Variants in DMXL1 observed in about 807,000 individuals in gnomAD.
DMXL1 encodes Dmx like 1, also known as dmX-like protein 1.
In DMXL1, 99 loss-of-function variants were observed where a neutral mutation model predicts 319.2. That is an observed-to-expected ratio of 0.31 (90% CI 0.26 to 0.37). DMXL1 has a LOEUF of 0.37. DMXL1 is among the 10% of genes least tolerant of loss of function. The probability of loss-of-function intolerance (pLI) is 1.00; values close to 1 mark genes in which losing one functional copy is unlikely to be tolerated. For synonymous variants in DMXL1, 1,385 were observed against 1,235.2 expected (o/e 1.12, Z -2.54); for missense variants, 3,745 against 3,595.6 (o/e 1.04, Z -1.06).
intron 15 of DMXL1, among the ~76,000 whole-genome samples, chr5:119,145,501 A>T (rs964581127): frequency 6.6e-6 from 1 of 151,782 alleles, no homozygotes; most frequent in Admixed American, 6.6e-5. Flanking sequence ...GGGATTAAAG[A>T]TATCAGGCGT....
chr5:119,160,154 T>TG (rs1386089547), intron 19 of DMXL1, among the ~76,000 whole-genome samples: 1 of 152,030 alleles, frequency 6.6e-6, no homozygotes, highest in Non-Finnish European at 1.5e-5. Context: ...TATATATATA[T>TG]GGGGGGAGGC....
intron 21 of DMXL1, 125 bp from the exon 22 acceptor site, chr5:119,166,491 A>G: frequency 5.5e-6 from 4 of 724,916 alleles, no homozygotes; most frequent in East Asian, 2.9e-5. Flanking sequence ...AAGCAGATAC[A>G]TAGTAAGTTA....
At position 119,220,933 on chromosome 5, in the gene DMXL1, T is replaced by A; in HGVS notation, c.8136-7T>A. ...TTGTTTTTATTCTGGTTGACATTCCTTTATAGATCAGAAGATTTCTTGGTT... is the reference window on the plus strand; with the variant it reads ...TTGTTTTTATTCTGGTTGACATTCCATTATAGATCAGAAGATTTCTTGGTT... On this transcript the variant is annotated splice_polypyrimidine_tract_variant and splice_region_variant and intron_variant, in intron 36 of 43. Transcript: ENST00000539542. The A allele has an allele frequency of 6.2e-7, 1 of 1,612,254 alleles. No homozygotes were observed.
intron 9 of DMXL1, among the ~76,000 whole-genome samples, chr5:119,127,552 A>G (rs1763880351): frequency 6.6e-6 from 1 of 151,760 alleles, no homozygotes; most frequent in South Asian, 2.1e-4. Context: ...GATTCTTGTG[A>G]CTCAGCCTCC....
chr5:119,202,516 G>C (rs185392474), intron 32 of DMXL1, among the ~76,000 whole-genome samples: 1 of 152,140 alleles, frequency 6.6e-6, no homozygotes, highest in Non-Finnish European at 1.5e-5. Flanking sequence ...AGTAGAAAAT[G>C]CCACATATAA....
intron 34 of DMXL1, among the ~76,000 whole-genome samples, chr5:119,209,598 T>C (rs1782382651): frequency 6.6e-6 from 1 of 152,164 alleles, no homozygotes; most frequent in South Asian, 2.1e-4. Flanking sequence ...TCTTCCCACC[T>C]CAGCCTCCTG....
chr5:119,182,349 A>G (rs1776928961), intron 28 of DMXL1, among the ~76,000 whole-genome samples: 1 of 152,216 alleles, frequency 6.6e-6, no homozygotes, highest in Non-Finnish European at 1.5e-5. Flanking sequence ...TGAAGATGAA[A>G]TACGTGCATA....
At chr5:119,184,159 G>A (rs1257842338) in intron 28 of DMXL1, among the ~76,000 whole-genome samples, 1 of 151,642 alleles carries the variant, frequency 6.6e-6, no homozygotes. Context: ...GGGCTCAAGT[G>A]ATCCTTCCAC....
At chr5:119,200,418 G>T (rs1480113662) in intron 32 of DMXL1, among the ~76,000 whole-genome samples, 1 of 152,152 alleles carries the variant, frequency 6.6e-6, no homozygotes, top group Non-Finnish European at 1.5e-5. Context: ...TCTCTATTCT[G>T]TTCCAGTGGT....
chr5:119,089,880 C>T (rs1466669486), intron 1 of DMXL1, among the ~76,000 whole-genome samples: 2 of 151,772 alleles, frequency 1.3e-5, no homozygotes, highest in Non-Finnish European at 2.9e-5. Context: ...CCCGCCTTGG[C>T]CTCCCGAAGT....
At chr5:119,166,154 C>T (rs1200519798) in intron 21 of DMXL1, among the ~76,000 whole-genome samples, 2 of 152,102 alleles carry the variant, frequency 1.3e-5, no homozygotes, top group African/African-American at 4.8e-5. Flanking sequence ...TCCAGATGAC[C>T]CACATGAACA....
chr5:119,085,977 A>G lies in DMXL1; in HGVS notation c.88-12002A>G, dbSNP rs1753265848. ...TTGTTCTTGGTTCTGTTAAGGTGAT[A>G]TATCACGTTTATTGATTTACATATT... On this transcript the variant is annotated intron_variant, in intron 1 of 43. Transcript: ENST00000539542. Among the ~76,000 whole-genome samples, 3 of 152,184 alleles carry G rather than the reference A, an allele frequency of 2.0e-5. No individual in the cohort carries two copies. The South Asian group carries it at 6.2e-4, about 32-fold the overall frequency.
chr5:119,103,071 A>G (rs1248996716), intron 3 of DMXL1, among the ~76,000 whole-genome samples: 1 of 151,648 alleles, frequency 6.6e-6, no homozygotes, highest in South Asian at 2.1e-4. Context: ...TCCCAAACCT[A>G]AAATTAAAAG....
intron 1 of DMXL1, among the ~76,000 whole-genome samples, chr5:119,095,528 A>C (rs752998043): frequency 6.6e-5 from 10 of 152,336 alleles, no homozygotes; most frequent in South Asian, 2.1e-4. Context: ...TAGGTAGATA[A>C]TTTCAGGTAC....
intron 17 of DMXL1, chr5:119,147,711 G>A (rs939970119): frequency 1.3e-5 from 5 of 387,278 alleles, no homozygotes; most frequent in African/African-American, 1.0e-4. Context: ...TGTCTTTTTG[G>A]GAAGACAAAG....
At chr5:119,099,197 G>T (rs62374134) in intron 2 of DMXL1, among the ~76,000 whole-genome samples, 4,866 of 37,094 alleles carry the variant, frequency 0.13, 246 homozygotes, top group African/African-American at 0.4. Context: ...TTTTTTGTTT[G>T]TTTTTGTTTG....
chr5:119,146,763 T>C, intron 15 of DMXL1, 74 bp from the exon 16 acceptor site: 3 of 1,403,244 alleles, frequency 2.1e-6, no homozygotes, highest in East Asian at 2.5e-5. Flanking sequence ...AGTCCAATTA[T>C]TTTAACTTGG....
At chr5:119,144,073 A>T in intron 14 of DMXL1, 143 bp downstream of exon 14, 1 of 543,176 alleles carries the variant, frequency 1.8e-6, no homozygotes, top group Non-Finnish European at 3.3e-6. Flanking sequence ...ATAATAGATA[A>T]CATATTATTG....
chr5:119,129,236 A>G lies in DMXL1; in HGVS notation c.1128A>G (p.Thr376=), dbSNP rs765912099. Residue 376 remains threonine, a synonymous_variant, in exon 10 of 44, where the codon ACA becomes ACG. Coordinates refer to ENST00000539542, the MANE Select transcript of DMXL1 (RefSeq NM_001290321.3). Reference sequence around the variant, plus strand: ...ACATTCCACTTCTTCCATCTATTACATCTCTGAGTCTAAATGAAAATGAAG... The same window carrying G: ...ACATTCCACTTCTTCCATCTATTACGTCTCTGAGTCTAAATGAAAATGAAG... ...ATDIPLLPSI[T]SLSLNENEEK... The G allele has an allele frequency of 1.2e-6, 2 of 1,612,090 alleles. No individual in the cohort carries two copies. Among genetic ancestry groups the G allele is most frequent in the African/African-American group, 2.7e-5 (2 of 74,780 alleles).
Sources: gnomAD v4.1 joint callset for allele counts (sites outside exome capture counted in the v4.1 genomes callset) on GRCh38, gnomAD v4.1.1 for gene constraint, MANE v1.5 for transcripts, NCBI Gene and HGNC (gene_info 2026-07-23, HGNC 2026-07-21) for gene names.